Variants in LRCH1 observed in about 807,000 individuals in gnomAD.
LRCH1 encodes leucine-rich repeat and calponin homology domain-containing protein 1.
Under a neutral mutation model 94.9 loss-of-function variants are expected in LRCH1, and 23 were observed. The observed-to-expected ratio is 0.24, with a 90% CI of 0.17 to 0.34. The LOEUF (loss-of-function observed/expected upper bound fraction) is 0.34. Ranked by LOEUF, LRCH1 falls within the 10% of genes least tolerant of loss-of-function variation. LRCH1 has a pLI of 1.00. For missense variants in LRCH1, 790 were observed against 945.9 expected, an observed-to-expected ratio of 0.84 and a Z score of 2.16; for synonymous variants, 364 against 354.9, an observed-to-expected ratio of 1.03 and a Z score of -0.29.
At chr13:46,578,059 C>T (rs757287741) in intron 1 of LRCH1, among the ~76,000 whole-genome samples, 1 of 152,208 alleles carries the variant, frequency 6.6e-6, no homozygotes. Flanking sequence ...TATTTGCTCC[C>T]TTATAATCAC....
intron 1 of LRCH1, among the ~76,000 whole-genome samples, chr13:46,601,685 T>A (rs2050630474): frequency 6.6e-6 from 1 of 152,214 alleles, no homozygotes; most frequent in Non-Finnish European, 1.5e-5. Context: ...TAGCAATGTT[T>A]AAGTGGCCTG....
At chr13:46,707,180 A>G (rs9590980) in intron 13 of LRCH1, among the ~76,000 whole-genome samples, 3,661 of 152,246 alleles carry the variant, frequency 0.024, 116 homozygotes, top group East Asian at 0.085. Context: ...AGGTATCTAT[A>G]ACCTTCTTTT....
chr13:46,664,062 T>C (rs1273502227), intron 2 of LRCH1, among the ~76,000 whole-genome samples: 5 of 152,170 alleles, frequency 3.3e-5, no homozygotes, highest in African/African-American at 9.7e-5. Context: ...GTTATCCAGA[T>C]TGGAATTAGG....
At position 46,650,310 on chromosome 13, in the gene LRCH1, C is replaced by T. The variant is rs201744827; in HGVS notation, c.417C>T (p.Ile139=). 9.3e-6 allele frequency: 15 copies of T among 1,604,466 alleles called. No individual in the cohort carries two copies. Among genetic ancestry groups the T allele is most frequent in the Admixed American group, 8.5e-5 (5 of 58,836 alleles). The change falls in exon 2 of 20, where the codon ATC becomes ATT. Residue 139 remains isoleucine (I), a synonymous_variant. Coordinates refer to ENST00000389797, the MANE Select transcript of LRCH1 (RefSeq NM_001164211.2). ...GTATCAGAGTCATTCCTGAGGCCAT[C>T]GTTAATCTGCAGATGCTGACTTACC... The part of the protein sequence containing the change: ...HNCIRVIPEA[I]VNLQMLTYLN...
At chr13:46,623,648 G>A (rs568121409) in intron 1 of LRCH1, among the ~76,000 whole-genome samples, 54 of 146,550 alleles carry the variant, frequency 3.7e-4, no homozygotes, top group Admixed American at 2.7e-3. Flanking sequence ...CTGCTGCCCC[G>A]CCCCCTTTTC....
chr13:46,698,486 G>A (rs1566234507), intron 9 of LRCH1, among the ~76,000 whole-genome samples: 2 of 152,124 alleles, frequency 1.3e-5, no homozygotes, highest in East Asian at 3.9e-4. Flanking sequence ...ACATTTGAGT[G>A]ATTCTGGATG....
chr13:46,632,253 G>A (rs1278181202), intron 1 of LRCH1, among the ~76,000 whole-genome samples: 2 of 151,910 alleles, frequency 1.3e-5, no homozygotes, highest in African/African-American at 4.8e-5. Context: ...GACTTGATGT[G>A]TACAGGACAA....
chr13:46,667,514 C>A (rs371744055), intron 2 of LRCH1, among the ~76,000 whole-genome samples: 7 of 86,968 alleles, frequency 8.0e-5, no homozygotes, highest in South Asian at 4.3e-4. Flanking sequence ...CATCACACAC[C>A]GGGGCCTGTC....
chr13:46,606,146 T>C (rs2050684104), intron 1 of LRCH1, among the ~76,000 whole-genome samples: 1 of 103,868 alleles, frequency 9.6e-6, no homozygotes, highest in South Asian at 3.4e-4. Flanking sequence ...AATTTTAACC[T>C]TATGTGTGTG....
Position 46,726,553 on chromosome 13 carries a change from C to T in LRCH1, c.1870-2294C>T, listed in dbSNP as rs531066352. On this transcript the variant is annotated intron_variant, in intron 17 of 19. Coordinates refer to ENST00000389797, the MANE Select transcript of LRCH1 (RefSeq NM_001164211.2). ...TGAACACCACAGGAAACACTGTGGT[C>T]CCCCCTCACCCACACCAGCAAGGGC... Among the ~76,000 whole-genome samples the T allele has an allele frequency of 2.7e-5, 4 of 150,602 alleles. No homozygotes were observed. The East Asian group carries it at 5.8e-4, about 22-fold the overall frequency.
At chr13:46,643,382 C>T (rs1448645917) in intron 1 of LRCH1, among the ~76,000 whole-genome samples, 1 of 152,092 alleles carries the variant, frequency 6.6e-6, no homozygotes, top group Non-Finnish European at 1.5e-5. Context: ...AACGGACTGC[C>T]CTCTCATGTC....
At chr13:46,657,465 C>G (rs376277221) in intron 2 of LRCH1, among the ~76,000 whole-genome samples, 1 of 57,512 alleles carries the variant, frequency 1.7e-5, no homozygotes, top group South Asian at 6.1e-4. Flanking sequence ...TTTTTTCTTT[C>G]TTTCTTCTTT....
At chr13:46,573,866 A>ATATATATATATATATATATATAT in intron 1 of LRCH1, among the ~76,000 whole-genome samples, 21 of 63,380 alleles carry the variant, frequency 3.3e-4, no homozygotes, top group South Asian at 2.0e-3. Flanking sequence ...ATATATATAT[A>ATATATATATATATATATATATAT]TTTTTTTTTT....
intron 1 of LRCH1, among the ~76,000 whole-genome samples, chr13:46,641,072 T>C (rs1408467803): frequency 6.6e-6 from 1 of 152,134 alleles, no homozygotes; most frequent in African/African-American, 2.4e-5. Flanking sequence ...TGGGTAGCAC[T>C]CCCTTACTGG....
intron 1 of LRCH1, among the ~76,000 whole-genome samples, chr13:46,634,322 G>C (rs1284248010): frequency 6.6e-6 from 1 of 152,182 alleles, no homozygotes; most frequent in African/African-American, 2.4e-5. Flanking sequence ...TGTCTTCCCT[G>C]GCGAATCCTC....
At chr13:46,746,647 C>T (rs1873923754), downstream of LRCH1, among the ~76,000 whole-genome samples, 3 of 152,190 alleles carry the variant, frequency 2.0e-5, no homozygotes, top group African/African-American at 4.8e-5. Flanking sequence ...TATAAAGGTA[C>T]AGCTGTCTCT....
At chr13:46,720,903 A>T (rs183173885) in intron 16 of LRCH1, among the ~76,000 whole-genome samples, 2 of 152,340 alleles carry the variant, frequency 1.3e-5, no homozygotes, top group African/African-American at 4.8e-5. Flanking sequence ...CAGAAAACTA[A>T]TAGTGATATA....
chr13:46,665,997 A>G (rs573448836), intron 2 of LRCH1, among the ~76,000 whole-genome samples: 19 of 152,212 alleles, frequency 1.2e-4, no homozygotes, highest in Admixed American at 4.6e-4. Flanking sequence ...TCCTTTTTCT[A>G]TTGGGGAAAT....
intron 1 of LRCH1, among the ~76,000 whole-genome samples, chr13:46,617,707 T>C (rs546780595): frequency 6.6e-6 from 1 of 152,366 alleles, no homozygotes; most frequent in South Asian, 2.1e-4. Context: ...TTAAGTGATC[T>C]GACTCAGACA....
Sources: allele counts gnomAD v4.1 joint callset (sites outside exome capture counted in the v4.1 genomes callset), GRCh38; gene constraint gnomAD v4.1.1; transcripts MANE v1.5; gene names NCBI Gene and HGNC (gene_info 2026-07-23, HGNC 2026-07-21).